Variants in CHD1L observed in about 807,000 individuals in gnomAD.
CHD1L encodes ATP-dependent chromatin remodeler CHD1L.
CHD1L carries 118 observed loss-of-function variants against 115.9 expected under a neutral mutation model. The observed-to-expected ratio is 1.02, with a 90% CI of 0.88 to 1.19. CHD1L has a LOEUF of 1.19. Among genes scored for constraint, CHD1L ranks in the 50% most tolerant of loss-of-function variants. The pLI, the probability that CHD1L is intolerant of heterozygous loss-of-function variation, is 0.00. For synonymous variants in CHD1L, 411 were observed against 387.1 expected (o/e 1.06, Z -0.72); for missense variants, 1,179 against 1,065.3 (o/e 1.11, Z -1.49).
In CHD1L at chr1:147,280,206, A is replaced by G; in HGVS notation, c.1705+15A>G. On this transcript the variant is annotated intron_variant, in intron 15 of 22. Transcript: ENST00000369258. ...AGAGGAAGGAAGTAAGTTGGAGGTT[A>G]GAGCAGAGCAAATGGCACAACCACC... 3.9e-6 allele frequency: 6 copies of G among 1,553,396 alleles called. No individual in the cohort carries two copies. The highest frequency in any genetic ancestry group is 5.2e-6 in the Non-Finnish European group (6 of 1,152,126).
At chr1:147,233,675 T>C in the CHD1L span, among the ~76,000 whole-genome samples, 2 of 152,110 alleles carry the variant, frequency 1.3e-5, no homozygotes, top group Non-Finnish European at 2.9e-5. Flanking sequence ...GGGGAAAAGA[T>C]TGAGAAATCG....
chr1:147,294,356 C>T lies in CHD1L; in HGVS notation c.2507-53C>T, dbSNP rs904247697. 9.4e-6 allele frequency: 12 copies of T among 1,278,706 alleles called. No homozygotes were observed. In the African/African-American group the frequency reaches 1.6e-4, roughly 17 times the overall value. The allele number at this position is 1,278,706 out of a possible 1,614,324, so 79.2% of individuals were successfully genotyped here. ...AATTTTCTCCCATGTGTATTTTATA[C>T]CCATCAATCAATTTTTGATGAGTGA... is the stretch of plus-strand genomic sequence containing the variant. On this transcript the variant is annotated intron_variant, in intron 21 of 22. Coordinates refer to ENST00000369258, the MANE Select transcript of CHD1L (RefSeq NM_004284.6).
chr1:147,226,604 C>A, the CHD1L span, among the ~76,000 whole-genome samples: 1 of 152,122 alleles, frequency 6.6e-6, no homozygotes. Context: ...GACAAGGGTT[C>A]TATTTGACAG....
At chr1:147,285,743 G>C (rs1553965147) in intron 17 of CHD1L, among the ~76,000 whole-genome samples, 1 of 152,152 alleles carries the variant, frequency 6.6e-6, no homozygotes, top group Non-Finnish European at 1.5e-5. Context: ...CTGTTACCCA[G>C]GCTGGAGTAC....
rs587629143 is a variant in CHD1L, at chr1:147,291,453, T to G, written c.2321-29T>G. Reference sequence around the variant, plus strand: ...CATTCATTAGTGAACTTGGTGTTCTTTATGTTGCTCCTTTCTGTTTTACCT... The same window carrying G: ...CATTCATTAGTGAACTTGGTGTTCTGTATGTTGCTCCTTTCTGTTTTACCT... On this transcript the variant is annotated intron_variant, in intron 19 of 22. Transcript: ENST00000369258. 4.4e-6 allele frequency: 7 copies of G among 1,581,184 alleles called. No individual in the cohort carries two copies. In the African/African-American group the frequency reaches 6.7e-5, roughly 15 times the overall value.
the CHD1L span, chr1:147,190,109 T>A: frequency 9.2e-7 from 1 of 1,083,454 alleles, no homozygotes; most frequent in East Asian, 2.4e-5. Context: ...TTAAATACAG[T>A]ACAATATTTC....
chr1:147,286,211 A>C, intron 17 of CHD1L, 87 bp from the exon 18 acceptor site: 1 of 1,257,346 alleles, frequency 8.0e-7, no homozygotes, highest in Non-Finnish European at 1.1e-6. Flanking sequence ...CTTGGCAGAT[A>C]TTGTTTGTGA....
At chr1:147,205,704 G>C in the CHD1L span, among the ~76,000 whole-genome samples, 1 of 152,128 alleles carries the variant, frequency 6.6e-6, no homozygotes, top group Non-Finnish European at 1.5e-5. Context: ...GGGAAAACTG[G>C]CTAGCCATAT....
chr1:147,213,774 C>T, the CHD1L span, among the ~76,000 whole-genome samples: 1 of 152,166 alleles, frequency 6.6e-6, no homozygotes, highest in Non-Finnish European at 1.5e-5. Context: ...AAAGCCTGGG[C>T]TTCTCCTGTG....
intron 17 of CHD1L, 150 bp downstream of exon 17, chr1:147,285,637 C>A (rs1654908204): frequency 3.3e-6 from 3 of 908,804 alleles, no homozygotes; most frequent in Non-Finnish European, 5.0e-6. Flanking sequence ...AACATTTCCT[C>A]TAGGTAAGTG....
intron 7 of CHD1L, 27 bp from the exon 8 acceptor site, chr1:147,265,905 C>T (rs1673713690): frequency 6.3e-7 from 1 of 1,592,750 alleles, no homozygotes; most frequent in Non-Finnish European, 8.5e-7. Flanking sequence ...TTGTCCCACA[C>T]TTCTTGTATT....
intron 22 of CHD1L, 95 bp downstream of exon 22, chr1:147,294,612 C>T: frequency 1.1e-6 from 1 of 886,286 alleles, no homozygotes; most frequent in Non-Finnish European, 1.7e-6. Context: ...GACCAAGTTT[C>T]TTCCTGCCAC....
At chr1:147,275,551 C>T in intron 13 of CHD1L, 83 bp downstream of exon 13, 2 of 1,055,770 alleles carry the variant, frequency 1.9e-6, no homozygotes, top group Non-Finnish European at 1.4e-6. Context: ...GTCCTGGTGA[C>T]AGTCCCACAC....
At chr1:147,279,933 GC>G (rs1680152093) in intron 14 of CHD1L, 92 bp from the exon 15 acceptor site, 1 of 1,288,494 alleles carries the variant, frequency 7.8e-7, no homozygotes, top group East Asian at 2.4e-5. Flanking sequence ...GAAGGACTGT[GC>G]CTGGTGTCGT....
At chr1:147,187,635 A>G in the CHD1L span, among the ~76,000 whole-genome samples, 10 of 152,198 alleles carry the variant, frequency 6.6e-5, no homozygotes, top group Admixed American at 2.0e-4. Flanking sequence ...ATTCTCAAGT[A>G]TGGCATCCTC....
chr1:147,214,605 C>T, the CHD1L span, among the ~76,000 whole-genome samples: 1 of 152,232 alleles, frequency 6.6e-6, no homozygotes, highest in South Asian at 2.1e-4. Context: ...TAGACTCCTA[C>T]TCATCCTTCA....
chr1:147,217,181 G>A, the CHD1L span, among the ~76,000 whole-genome samples: 4 of 151,924 alleles, frequency 2.6e-5, no homozygotes, highest in African/African-American at 7.3e-5. Flanking sequence ...CGGAGGTTGC[G>A]GTGACAGAGA....
intron 21 of CHD1L, 47 bp downstream of exon 21, chr1:147,293,769 G>A (rs1298096588): frequency 6.7e-7 from 1 of 1,496,198 alleles, no homozygotes; most frequent in Non-Finnish European, 9.3e-7. Context: ...TTGTTTCTAG[G>A]CATGTGATAC....
At chr1:147,237,063 C>G in the CHD1L span, among the ~76,000 whole-genome samples, 3 of 152,156 alleles carry the variant, frequency 2.0e-5, no homozygotes, top group Non-Finnish European at 4.4e-5. Flanking sequence ...CCCTTGGCCT[C>G]CCTCCCATGC....
Sources: allele counts gnomAD v4.1 joint callset (sites outside exome capture counted in the v4.1 genomes callset), GRCh38; gene constraint gnomAD v4.1.1; transcripts MANE v1.5; gene names NCBI Gene and HGNC (gene_info 2026-07-23, HGNC 2026-07-21).